SLC35H1: variants seen among roughly 807,000 people sequenced by gnomAD.
The protein encoded by SLC35H1 is solute carrier family 35 member H1.
the SLC35H1 span, chr20:46,350,323 C>T: frequency 9.9e-6 from 15 of 1,514,096 alleles, no homozygotes; most frequent in Middle Eastern, 1.9e-4. Context: ...TGAGCCCTGG[C>T]GGCTTGAGCA....
the SLC35H1 span, chr20:46,350,760 C>T: frequency 6.2e-7 from 1 of 1,614,016 alleles, no homozygotes; most frequent in South Asian, 1.1e-5. Flanking sequence ...CTCTGGGTTA[C>T]CTCTGGAATG....
At chr20:46,357,721 A>T in the SLC35H1 span, 1 of 1,614,106 alleles carries the variant, frequency 6.2e-7, no homozygotes, top group South Asian at 1.1e-5. Flanking sequence ...GGCGGAGAAG[A>T]GGAAGATCAC....
the SLC35H1 span, chr20:46,358,479 A>T: frequency 3.1e-6 from 5 of 1,614,208 alleles, no homozygotes; most frequent in Admixed American, 8.3e-5. Context: ...TTCCACAAAA[A>T]GGCCACATCG....
the SLC35H1 span, chr20:46,364,366 C>G: frequency 6.6e-6 from 1 of 152,406 alleles, no homozygotes; most frequent in African/African-American, 2.4e-5. Context: ...CGCACACCCA[C>G]TCACCTCGGC....
the SLC35H1 span, chr20:46,350,661 CGGCAGCAGAGCCACCG>C: frequency 4.6e-3 from 6,924 of 1,505,168 alleles, 37 homozygotes; most frequent in South Asian, 0.018. Context: ...AGAGGAGTGA[CGGCAGCAGAGCCACCG>C]GGCACACTTC....
the SLC35H1 span, chr20:46,358,446 C>T: frequency 2.5e-6 from 4 of 1,614,090 alleles, no homozygotes; most frequent in Non-Finnish European, 3.4e-6. Context: ...TAGAGAAGCA[C>T]CAGCCCCAGG....
chr20:46,346,415 G>A, the SLC35H1 span: 3 of 152,108 alleles, frequency 2.0e-5, no homozygotes, highest in Non-Finnish European at 4.4e-5. Flanking sequence ...CCTTCTTACA[G>A]GGCAAGTCAT....
chr20:46,358,884 C>A, the SLC35H1 span: 2 of 698,902 alleles, frequency 2.9e-6, no homozygotes, highest in Non-Finnish European at 5.1e-6. Context: ...ACGGCACAGG[C>A]AGTCCCAGAG....
chr20:46,363,359 T>A, the SLC35H1 span, among the ~76,000 whole-genome samples: 5 of 152,198 alleles, frequency 3.3e-5, no homozygotes, highest in African/African-American at 4.8e-5. Context: ...CTTTTCTGTA[T>A]CAGACTCATA....
the SLC35H1 span, among the ~76,000 whole-genome samples, chr20:46,362,385 C>T: frequency 6.6e-6 from 1 of 152,278 alleles, no homozygotes; most frequent in East Asian, 1.9e-4. Flanking sequence ...GTAAGGCTGG[C>T]TGGTGCATCA....
At chr20:46,360,282 G>C in the SLC35H1 span, among the ~76,000 whole-genome samples, 1 of 152,040 alleles carries the variant, frequency 6.6e-6, no homozygotes, top group Non-Finnish European at 1.5e-5. Flanking sequence ...GTCAAAATTG[G>C]TCTCAAAATG....
At chr20:46,356,440 G>C in the SLC35H1 span, 1 of 831,936 alleles carries the variant, frequency 1.2e-6, no homozygotes, top group East Asian at 2.7e-5. Flanking sequence ...GGGTGCCAGG[G>C]AGAGGCTGAG....
At chr20:46,363,697 G>C in the SLC35H1 span, among the ~76,000 whole-genome samples, 1 of 152,126 alleles carries the variant, frequency 6.6e-6, no homozygotes, top group South Asian at 2.1e-4. Flanking sequence ...TGGTCTAACT[G>C]GTCTCCCTGT....
the SLC35H1 span, chr20:46,352,761 G>A: frequency 1.3e-5 from 2 of 155,150 alleles, no homozygotes; most frequent in African/African-American, 2.4e-5. Flanking sequence ...AGATCCTAGC[G>A]GGATGATGGA....
the SLC35H1 span, chr20:46,356,742 C>A: frequency 9.2e-7 from 1 of 1,088,852 alleles, no homozygotes; most frequent in Non-Finnish European, 1.4e-6. Flanking sequence ...TGAACCATCC[C>A]GGTGCCTCCT....
the SLC35H1 span, among the ~76,000 whole-genome samples, chr20:46,361,953 G>A: frequency 9.9e-5 from 15 of 152,196 alleles, no homozygotes; most frequent in East Asian, 3.9e-4. Context: ...CTGCAACACC[G>A]CAACACCCTC....
At chr20:46,357,872 T>C in the SLC35H1 span, 1 of 1,358,082 alleles carries the variant, frequency 7.4e-7, no homozygotes, top group Non-Finnish European at 1.0e-6. Flanking sequence ...GTGGGGCTCA[T>C]TCGGTGGTTC....
the SLC35H1 span, chr20:46,347,650 A>G: frequency 6.6e-6 from 1 of 152,226 alleles, no homozygotes; most frequent in African/African-American, 2.4e-5. Flanking sequence ...CTCTCAAGCC[A>G]CTGGGATTTT....
chr20:46,355,158 C>T, the SLC35H1 span: 6 of 1,614,120 alleles, frequency 3.7e-6, no homozygotes, highest in Admixed American at 5.0e-5. The surrounding 1 kb of genome is among the most constrained non-coding windows in gnomAD (Gnocchi z 4.8). Context: ...AGGCGAAGCC[C>T]TCCACGTTGA....
Sources: allele counts gnomAD v4.1 joint callset (sites outside exome capture counted in the v4.1 genomes callset), GRCh38; gene constraint gnomAD v4.1.1; non-coding constraint Gnocchi (gnomAD v3.1); transcripts MANE v1.5; gene names NCBI Gene and HGNC (gene_info 2026-07-23, HGNC 2026-07-21).